Variants in TXLNB observed in about 807,000 individuals in gnomAD.
TXLNB encodes the protein beta-taxilin.
A neutral mutation model predicts 57.4 loss-of-function variants in TXLNB; 37 were observed. That is an observed-to-expected ratio of 0.64 (90% confidence interval 0.50 to 0.85). The LOEUF (loss-of-function observed/expected upper bound fraction) is 0.85, where lower values mean the gene tolerates loss of function less well. Ranked by LOEUF, TXLNB falls within the 40% of genes least tolerant of loss-of-function variation. The pLI is 0.00. For missense variants in TXLNB, 848 were observed against 825.6 expected (o/e 1.03, Z -0.33); for synonymous variants, 302 against 309.6 (o/e 0.98, Z 0.26).
At chr6:139,180,796 AAACT>A in the TXLNB span, 3 of 152,650 alleles carry the variant, frequency 2.0e-5, no homozygotes, top group Admixed American at 6.5e-5. Context: ...AAAATTCCAG[AAACT>A]AACATTGTAC....
At chr6:139,230,471 C>T in the TXLNB span, among the ~76,000 whole-genome samples, 5 of 152,186 alleles carry the variant, frequency 3.3e-5, no homozygotes, top group South Asian at 2.1e-4. Flanking sequence ...ACTGGGACTC[C>T]GCCTCCAAGG....
At chr6:139,316,845 G>C in the TXLNB span, among the ~76,000 whole-genome samples, 1 of 152,160 alleles carries the variant, frequency 6.6e-6, no homozygotes, top group Non-Finnish European at 1.5e-5. Flanking sequence ...AAGTGGCCCA[G>C]GTGAGAGGAA....
chr6:139,289,086 C>A (rs1034448368), intron 1 of TXLNB, among the ~76,000 whole-genome samples, 173 bp from the exon 2 acceptor site: 1 of 152,098 alleles, frequency 6.6e-6, no homozygotes, highest in African/African-American at 2.4e-5. Context: ...AGGAGACCAC[C>A]CCTCATATCG....
the TXLNB span, among the ~76,000 whole-genome samples, chr6:139,192,968 C>G: frequency 4.7e-4 from 68 of 144,296 alleles, no homozygotes; most frequent in African/African-American, 1.6e-3. Context: ...GTCTCAAAAA[C>G]AAAAAACAAA....
the TXLNB span, chr6:139,179,575 A>G: frequency 6.6e-6 from 1 of 152,252 alleles, no homozygotes; most frequent in African/African-American, 2.4e-5. Context: ...AGCATGAAGC[A>G]TATCTGGGAA....
chr6:139,252,197 A>C (rs1423482459), intron 7 of TXLNB, among the ~76,000 whole-genome samples: 1 of 152,234 alleles, frequency 6.6e-6, no homozygotes, highest in African/African-American at 2.4e-5. Context: ...TCTCTAGGAA[A>C]ATAACACAAT....
At chr6:139,177,255 C>G in the TXLNB span, 1 of 542,178 alleles carries the variant, frequency 1.8e-6, no homozygotes, top group Middle Eastern at 5.0e-4. The surrounding 1 kb of genome is among the most constrained non-coding windows in gnomAD (Gnocchi z 4.9). Context: ...AGGGGCTGCC[C>G]TTGCCCTGTC....
At chr6:139,166,567 G>A in the TXLNB span, 4 of 1,614,144 alleles carry the variant, frequency 2.5e-6, no homozygotes, top group Admixed American at 3.3e-5. Context: ...AGGGCCACTT[G>A]AAGAAGGACA....
the TXLNB span, among the ~76,000 whole-genome samples, chr6:139,190,305 C>CTTTTTTTTTTTT: frequency 9.2e-6 from 1 of 108,884 alleles, no homozygotes; most frequent in Non-Finnish European, 1.8e-5. Context: ...TTCTTTCTTT[C>CTTTTTTTTTTTT]TTTCTTTTTT....
intron 1 of TXLNB, among the ~76,000 whole-genome samples, chr6:139,289,956 A>G (rs1163254274): frequency 6.6e-6 from 1 of 152,242 alleles, no homozygotes; most frequent in African/African-American, 2.4e-5. Context: ...TACACTGGAT[A>G]GAGGAGACAT....
the TXLNB span, chr6:139,166,870 C>T: frequency 1.3e-4 from 211 of 1,613,842 alleles, no homozygotes; most frequent in African/African-American, 1.3e-3. Flanking sequence ...CCCACTTCAG[C>T]GGCCCCCGCT....
intron 2 of TXLNB, among the ~76,000 whole-genome samples, chr6:139,278,238 A>G (rs1322822036): frequency 6.6e-6 from 1 of 152,224 alleles, no homozygotes; most frequent in African/African-American, 2.4e-5. Context: ...AGGCTAGCCT[A>G]CTTGTTCTAA....
chr6:139,166,333 C>A, the TXLNB span: 2 of 1,613,304 alleles, frequency 1.2e-6, no homozygotes, highest in Non-Finnish European at 1.7e-6. Flanking sequence ...GGCCGGTGGA[C>A]CTGGAGAAGG....
intron 3 of TXLNB, chr6:139,271,413 G>C (rs1388407911): frequency 6.6e-6 from 1 of 152,136 alleles, no homozygotes; most frequent in Non-Finnish European, 1.5e-5. Flanking sequence ...ACTGTATCAG[G>C]ACTGCCTTGG....
At chr6:139,255,531 C>T in intron 7 of TXLNB, 33 bp downstream of exon 7, 1 of 1,599,292 alleles carries the variant, frequency 6.3e-7, no homozygotes, top group East Asian at 2.2e-5. Context: ...ACAGTGAGGA[C>T]AGCACCCCCA....
chr6:139,211,872 G>C, the TXLNB span, among the ~76,000 whole-genome samples: 9 of 152,218 alleles, frequency 5.9e-5, no homozygotes, highest in East Asian at 1.7e-3. Flanking sequence ...TGGAAGAAAG[G>C]GTATCAGCGA....
At chr6:139,265,444 G>A (rs999507680) in intron 4 of TXLNB, among the ~76,000 whole-genome samples, 25 of 151,910 alleles carry the variant, frequency 1.6e-4, no homozygotes, top group Admixed American at 1.4e-3. Context: ...GTGTGTGTGT[G>A]TCTGTGTGTG....
At chr6:139,259,164 T>C (rs375165163) in intron 6 of TXLNB, among the ~76,000 whole-genome samples, 4 of 152,318 alleles carry the variant, frequency 2.6e-5, no homozygotes, top group African/African-American at 4.8e-5. Flanking sequence ...CTGATTGCTA[T>C]AGTAGCCTCC....
the TXLNB span, chr6:139,174,688 A>G: frequency 1.7e-6 from 2 of 1,164,306 alleles, no homozygotes; most frequent in Admixed American, 6.1e-5. Context: ...ATTTAGTGGA[A>G]TACTATTCAG....
Sources: allele counts gnomAD v4.1 joint callset (sites outside exome capture counted in the v4.1 genomes callset), GRCh38; gene constraint gnomAD v4.1.1; non-coding constraint Gnocchi (gnomAD v3.1); transcripts MANE v1.5; gene names NCBI Gene and HGNC (gene_info 2026-07-23, HGNC 2026-07-21).